The following LARGE1 variants were observed in gnomAD, a reference collection of about 807,000 sequenced individuals.
LARGE1 encodes the protein LARGE xylosyl- and glucuronyltransferase 1, also known as xylosyl- and glucuronyltransferase LARGE1.
Under a neutral mutation model 87.6 loss-of-function variants are expected in LARGE1, and 43 were observed. The observed-to-expected ratio is 0.49, with a 90% CI of 0.38 to 0.63. LARGE1 has a LOEUF of 0.63. Ranked by LOEUF, LARGE1 falls within the 30% of genes least tolerant of loss-of-function variation. The probability of loss-of-function intolerance (pLI) is 0.00; values close to 1 mark genes in which losing one functional copy is unlikely to be tolerated. For synonymous variants in LARGE1, 434 were observed against 394.6 expected (o/e 1.10, Z -1.18); for missense variants, 802 against 1,000.2 (o/e 0.80, Z 2.67).
chr22:33,776,195 T>G (rs961073127), intron 1 of LARGE1, among the ~76,000 whole-genome samples: 8 of 152,214 alleles, frequency 5.3e-5, no homozygotes, highest in African/African-American at 1.9e-4. Context: ...CCAATGAGTT[T>G]TCTTAATTTC....
Position 33,506,011 on chromosome 22 carries a change from T to G in LARGE1, c.787+58837A>C, listed in dbSNP as rs189987222. 5.7e-4 allele frequency among the ~76,000 whole-genome samples: 86 copies of G among 152,118 alleles called. No homozygotes were observed. In the East Asian group the frequency reaches 0.014, roughly 24 times the overall value. On this transcript the variant is annotated intron_variant, in intron 6 of 14. Coordinates refer to ENST00000397394, the MANE Select transcript of LARGE1 (RefSeq NM_133642.5). Reference sequence around the variant, plus strand: ...GTAGGTGCCAATGTGCAAATCAAAGTGGCAGCATTCCCCAGGCTTTACAAC... The same window carrying G: ...GTAGGTGCCAATGTGCAAATCAAAGGGGCAGCATTCCCCAGGCTTTACAAC...
At chr22:33,512,141 C>T (rs1345099621) in intron 6 of LARGE1, among the ~76,000 whole-genome samples, 1 of 152,188 alleles carries the variant, frequency 6.6e-6, no homozygotes, top group Admixed American at 6.5e-5. Context: ...TAAAGAGACA[C>T]TTGCCTCTTA....
chr22:33,824,538 G>GAAA (rs1211843796), intron 1 of LARGE1, among the ~76,000 whole-genome samples: 1 of 152,140 alleles, frequency 6.6e-6, no homozygotes, highest in Admixed American at 6.5e-5. Flanking sequence ...AATTTGACAA[G>GAAA]AGATTTGGGT....
At position 33,595,854 on chromosome 22, in the gene LARGE1, C is replaced by T. The variant is rs116875197; in HGVS notation, c.615+8581G>A. Among the ~76,000 whole-genome samples the T allele has an allele frequency of 2.5e-3, 375 of 152,276 alleles. 10 individuals are homozygous for T. In the East Asian group the frequency reaches 0.055, roughly 22 times the overall value. ...CTAGTAGAGAAGGCAGATGAGGGAACAGACAAATGGTACACAGGCTTGCAC... is the reference window on the plus strand; with the variant it reads ...CTAGTAGAGAAGGCAGATGAGGGAATAGACAAATGGTACACAGGCTTGCAC... On this transcript the variant is annotated intron_variant, in intron 5 of 14. Transcript: ENST00000397394.
chr22:33,571,505 T>C (rs533836807), intron 5 of LARGE1, among the ~76,000 whole-genome samples: 2 of 152,316 alleles, frequency 1.3e-5, no homozygotes, highest in South Asian at 2.1e-4. Flanking sequence ...TGATGACACA[T>C]TTCTGACCTT....
At chr22:33,268,066 C>T (rs1365444279), downstream of LARGE1, among the ~76,000 whole-genome samples, 4 of 151,258 alleles carry the variant, frequency 2.6e-5, no homozygotes, top group African/African-American at 9.8e-5. Context: ...GGCGATTCTC[C>T]TCTCAGCCTC....
At chr22:33,912,773 A>G (rs2065672614) in intron 1 of LARGE1, among the ~76,000 whole-genome samples, 1 of 116,010 alleles carries the variant, frequency 8.6e-6, no homozygotes, top group Non-Finnish European at 1.9e-5. Flanking sequence ...GAAGAACAAC[A>G]ATGAAAAAAA....
intron 6 of LARGE1, among the ~76,000 whole-genome samples, chr22:33,548,901 A>G (rs2077443038): frequency 6.6e-6 from 1 of 152,246 alleles, no homozygotes; most frequent in East Asian, 1.9e-4. Context: ...CATTTTTGAC[A>G]TCTAAGCAGT....
chr22:33,883,242 C>T (rs2064750171), intron 1 of LARGE1, among the ~76,000 whole-genome samples: 1 of 152,174 alleles, frequency 6.6e-6, no homozygotes, highest in East Asian at 1.9e-4. Flanking sequence ...TGATGCTTGG[C>T]TACCACCTTG....
At chr22:33,759,935 CAG>C (rs1048431017) in intron 2 of LARGE1, among the ~76,000 whole-genome samples, 13 of 152,158 alleles carry the variant, frequency 8.5e-5, no homozygotes, top group African/African-American at 2.9e-4. Flanking sequence ...GGAACAGGGA[CAG>C]GGGTGTGTCA....
chr22:33,271,220 C>T (rs141963780), downstream of LARGE1, among the ~76,000 whole-genome samples: 1 of 152,328 alleles, frequency 6.6e-6, no homozygotes, highest in East Asian at 1.9e-4. Context: ...TTGTCTGTCA[C>T]TGTTTCATAT....
chr22:33,081,885 C>T, the LARGE1 span, among the ~76,000 whole-genome samples: 1 of 152,090 alleles, frequency 6.6e-6, no homozygotes. Flanking sequence ...TTTCCATGAT[C>T]CCATTTTATA....
At chr22:33,820,113 G>A (rs945636217) in intron 1 of LARGE1, among the ~76,000 whole-genome samples, 4 of 151,980 alleles carry the variant, frequency 2.6e-5, no homozygotes, top group Non-Finnish European at 4.4e-5. Context: ...AAACATCCCG[G>A]GTCATTATGA....
chr22:33,514,337 T>C (rs1479955954), intron 6 of LARGE1, among the ~76,000 whole-genome samples: 1 of 151,824 alleles, frequency 6.6e-6, no homozygotes, highest in African/African-American at 2.4e-5. Flanking sequence ...CATATGTGTG[T>C]ATATATATAT....
rs142954036 is a variant in LARGE1 at position 33,214,561 on chromosome 22, C to T, written c.1731-47729G>A. 2.3e-3 allele frequency among the ~76,000 whole-genome samples: 349 copies of T among 152,212 alleles called. 5 individuals carry two copies. The highest frequency in any genetic ancestry group is 0.022 in the Admixed American group (337 of 15,286). On this transcript the variant is annotated intron_variant, in intron 11 of 11. Coordinates refer to the LARGE1 transcript ENST00000608642. ...GTCATTTAAGCAGCCCTTCTGAGAA[C>T]GACCTCAGAGACCAAGGAATCTCCT...
chr22:33,414,200 A>C (rs765626998), intron 7 of LARGE1, among the ~76,000 whole-genome samples: 2 of 152,198 alleles, frequency 1.3e-5, no homozygotes, highest in Non-Finnish European at 2.9e-5. Flanking sequence ...AAGTGAAATA[A>C]GCCATTCACA....
intron 4 of LARGE1, among the ~76,000 whole-genome samples, chr22:33,620,735 A>G (rs541883265): frequency 2.9e-4 from 44 of 152,256 alleles, no homozygotes; most frequent in Middle Eastern, 6.8e-3. Context: ...CAGCCAGGCT[A>G]ACATGGTAAA....
the LARGE1 span, among the ~76,000 whole-genome samples, chr22:33,098,977 A>G: frequency 6.6e-6 from 1 of 152,206 alleles, no homozygotes; most frequent in East Asian, 1.9e-4. Flanking sequence ...TTTCTCTACA[A>G]ATTTATTGTT....
chr22:33,119,200 T>C, the LARGE1 span, among the ~76,000 whole-genome samples: 1 of 152,194 alleles, frequency 6.6e-6, no homozygotes, highest in Admixed American at 6.5e-5. Context: ...AGGTAATGTC[T>C]AAGCTAAGGA....
Sources: gnomAD v4.1 joint callset for allele counts (sites outside exome capture counted in the v4.1 genomes callset) on GRCh38, gnomAD v4.1.1 for gene constraint, MANE v1.5 for transcripts, NCBI Gene and HGNC (gene_info 2026-07-23, HGNC 2026-07-21) for gene names.